SYT14: variants seen among roughly 807,000 people sequenced by gnomAD.
SYT14 encodes the protein synaptotagmin-14.
In SYT14, 32 loss-of-function variants were observed where a neutral mutation model predicts 74.2. The observed-to-expected ratio is 0.43, with a 90% CI of 0.33 to 0.58. The LOEUF is 0.58. Among genes scored for constraint, SYT14 ranks in the 20% least tolerant of loss-of-function variants. The pLI, the probability that SYT14 is intolerant of heterozygous loss-of-function variation, is 0.05. For missense variants in SYT14, 791 were observed against 981.8 expected (o/e 0.81, Z 2.60); for synonymous variants, 298 against 337.7 (o/e 0.88, Z 1.29).
exon 10 of SYT14, chr1:210,161,273 T>A (rs1322638897): frequency 1.5e-6 from 1 of 646,690 alleles, no homozygotes; most frequent in Non-Finnish European, 2.8e-6. Context: ...CTATCATTGC[T>A]AAACTAACAG....
At chr1:210,099,452 C>T (rs2082021942) in intron 6 of SYT14, among the ~76,000 whole-genome samples, 1 of 152,034 alleles carries the variant, frequency 6.6e-6, no homozygotes, top group Non-Finnish European at 1.5e-5. Context: ...TATTTGACCG[C>T]TAATATTTTG....
At chr1:210,113,376 G>A (rs533431881) in intron 7 of SYT14, among the ~76,000 whole-genome samples, 1 of 151,324 alleles carries the variant, frequency 6.6e-6, no homozygotes, top group African/African-American at 2.5e-5. Flanking sequence ...CCATGAGGTG[G>A]ATAGGCAAAA....
At chr1:210,070,776 G>A (rs1259597663) in intron 5 of SYT14, among the ~76,000 whole-genome samples, 1 of 152,050 alleles carries the variant, frequency 6.6e-6, no homozygotes, top group Non-Finnish European at 1.5e-5. Flanking sequence ...CTTGGTATAG[G>A]GTCGTCTGCT....
At chr1:209,984,513 T>C (rs2079540019) in intron 2 of SYT14, among the ~76,000 whole-genome samples, 1 of 152,206 alleles carries the variant, frequency 6.6e-6, no homozygotes, top group African/African-American at 2.4e-5. Context: ...AATTTTTAAA[T>C]AATAAGATGA....
chr1:209,970,662 C>CTTTTTTT lies in SYT14; in HGVS notation c.-486+17939_-486+17945dup, dbSNP rs35639848. Among the ~76,000 whole-genome samples the CTTTTTTT allele has an allele frequency of 2.5e-3, 157 of 62,798 alleles. 43 individuals carry two copies. Among genetic ancestry groups the CTTTTTTT allele is most frequent in the Middle Eastern group, 0.011 (1 of 88 alleles). The allele number at this position is 62,798 out of a possible 152,430, so 41.2% of individuals were successfully genotyped here. A position where few individuals can be genotyped will look rare whatever the true frequency, so the allele number is the denominator to read the frequency against. ...TTACAGATTGCTTTGGGCAGTATGG[C>CTTTTTTT]TTTTTTTTTTTTTTTTTTTTTTTTT... On this transcript the variant is annotated intron_variant, in intron 2 of 9. Coordinates refer to ENST00000637265, the Ensembl canonical transcript of SYT14.
chr1:210,084,971 GA>G (rs1386850291), intron 5 of SYT14, among the ~76,000 whole-genome samples: 1 of 152,240 alleles, frequency 6.6e-6, no homozygotes, highest in Non-Finnish European at 1.5e-5. Flanking sequence ...TGTTACTGGA[GA>G]AAGGAAGCTC....
At chr1:209,981,450 C>CTTTTTTTTTTTTTTTTTTTTTTTTTT (rs1183885685) in intron 2 of SYT14, among the ~76,000 whole-genome samples, 2 of 99,086 alleles carry the variant, frequency 2.0e-5, no homozygotes, top group African/African-American at 8.0e-5. Context: ...TTTTTCTTTT[C>CTTTTTTTTTTTTTTTTTTTTTTTTTT]TTTTTTTTTT....
At chr1:209,990,900 G>T (rs887649909) in intron 2 of SYT14, among the ~76,000 whole-genome samples, 1 of 152,028 alleles carries the variant, frequency 6.6e-6, no homozygotes, top group Non-Finnish European at 1.5e-5. Context: ...ATACTGCAAG[G>T]TGTTAGTAAC....
chr1:210,129,627 T>G (rs1028798181), intron 7 of SYT14, among the ~76,000 whole-genome samples: 2 of 152,214 alleles, frequency 1.3e-5, no homozygotes, highest in Non-Finnish European at 2.9e-5. Context: ...ACTAAACCTT[T>G]AGTGATTGGA....
At chr1:210,053,019 C>A (rs977891933) in intron 5 of SYT14, among the ~76,000 whole-genome samples, 6 of 152,068 alleles carry the variant, frequency 3.9e-5, no homozygotes, top group Admixed American at 1.3e-4. Context: ...TACAAATTTT[C>A]TTTCCTTTAT....
chr1:209,992,570 C>T (rs2079711225), intron 2 of SYT14, among the ~76,000 whole-genome samples: 1 of 152,124 alleles, frequency 6.6e-6, no homozygotes, highest in Admixed American at 6.5e-5. Context: ...TGGGAAATTA[C>T]TTAATGGGTA....
intron 5 of SYT14, among the ~76,000 whole-genome samples, chr1:210,064,710 A>C (rs1007435769): frequency 2.0e-5 from 3 of 152,048 alleles, no homozygotes; most frequent in Non-Finnish European, 2.9e-5. Flanking sequence ...ATTGTGAATA[A>C]TACTACTATA....
At chr1:210,152,974 A>C (rs572060049) in intron 7 of SYT14, among the ~76,000 whole-genome samples, 5 of 152,052 alleles carry the variant, frequency 3.3e-5, no homozygotes, top group Non-Finnish European at 5.9e-5. Flanking sequence ...TAAATGTTAT[A>C]ATTGGTTTTC....
chr1:210,021,310 G>T, intron 5 of SYT14, 56 bp downstream of exon 4: 2 of 1,485,614 alleles, frequency 1.3e-6, no homozygotes, highest in Non-Finnish European at 1.9e-6. Context: ...TTGATTACTT[G>T]TGCCTGAAAT....
chr1:209,980,961 G>GT (rs916133729), intron 2 of SYT14, among the ~76,000 whole-genome samples: 18 of 151,904 alleles, frequency 1.2e-4, no homozygotes, highest in African/African-American at 4.1e-4. Flanking sequence ...TTTTAAAATA[G>GT]TTTTTTTTCT....
intron 5 of SYT14, among the ~76,000 whole-genome samples, chr1:210,049,907 C>T (rs556399150): frequency 7.2e-4 from 109 of 152,294 alleles, no homozygotes; most frequent in African/African-American, 2.5e-3. Context: ...CACAAAACCA[C>T]TTTTTCTTCC....
chr1:210,068,120 C>A (rs1490692139), intron 5 of SYT14, among the ~76,000 whole-genome samples: 3 of 151,590 alleles, frequency 2.0e-5, no homozygotes, highest in Admixed American at 6.6e-5. Flanking sequence ...CCCTTTTGTT[C>A]CTAGTTTGCT....
At chr1:210,126,712 A>T (rs562663005) in intron 7 of SYT14, among the ~76,000 whole-genome samples, 1 of 152,228 alleles carries the variant, frequency 6.6e-6, no homozygotes, top group Non-Finnish European at 1.5e-5. Flanking sequence ...CGGTACTGGT[A>T]TGCTGCTGAA....
chr1:210,027,221 G>A (rs747339686), intron 5 of SYT14, among the ~76,000 whole-genome samples: 9 of 151,990 alleles, frequency 5.9e-5, no homozygotes, highest in South Asian at 2.1e-4. Context: ...GGACTTGGGC[G>A]CAGTGGCTCA....
Sources: allele counts gnomAD v4.1 joint callset (sites outside exome capture counted in the v4.1 genomes callset), GRCh38; gene constraint gnomAD v4.1.1; transcripts MANE v1.5; gene names NCBI Gene and HGNC (gene_info 2026-07-23, HGNC 2026-07-21).